The following ROBO2 variants were observed in gnomAD, a reference collection of about 807,000 sequenced individuals.
ROBO2 encodes roundabout homolog 2.
Under a neutral mutation model 160.8 loss-of-function variants are expected in ROBO2, and 53 were observed. The ratio of observed to expected loss-of-function variants is 0.33; its 90% CI spans 0.26 to 0.41. ROBO2 has a LOEUF of 0.41. Ranked by LOEUF, ROBO2 falls within the 10% of genes least tolerant of loss-of-function variation. The probability of loss-of-function intolerance (pLI) is 1.00; values close to 1 mark genes in which losing one functional copy is unlikely to be tolerated. For synonymous variants in ROBO2, 664 were observed against 611.7 expected (o/e 1.09, Z -1.26); for missense variants, 1,577 against 1,722.4 (o/e 0.92, Z 1.49).
chr3:76,220,691 C>T (rs1703907311), intron 2 of ROBO2, among the ~76,000 whole-genome samples: 1 of 151,808 alleles, frequency 6.6e-6, no homozygotes, highest in South Asian at 2.1e-4. Context: ...CTCCTGATAT[C>T]CAGAACATAA....
chr3:76,521,291 C>A (rs748650611), intron 2 of ROBO2, among the ~76,000 whole-genome samples: 1 of 152,054 alleles, frequency 6.6e-6, no homozygotes, highest in African/African-American at 2.4e-5. Context: ...CCAAGTGATC[C>A]GCCCGCCTTG....
intron 2 of ROBO2, among the ~76,000 whole-genome samples, chr3:77,102,379 G>T (rs1473466627): frequency 6.6e-6 from 1 of 152,050 alleles, no homozygotes; most frequent in Non-Finnish European, 1.5e-5. Context: ...GGTGCCAATG[G>T]GATTCTCCCT....
chr3:76,636,720 T>C (rs977130184), intron 2 of ROBO2, among the ~76,000 whole-genome samples: 2 of 152,126 alleles, frequency 1.3e-5, no homozygotes, highest in Non-Finnish European at 2.9e-5. Context: ...AAAGCCACAG[T>C]AGGACCCAAC....
chr3:76,301,663 A>G (rs933824367), intron 2 of ROBO2, among the ~76,000 whole-genome samples: 1 of 152,106 alleles, frequency 6.6e-6, no homozygotes, highest in Non-Finnish European at 1.5e-5. Flanking sequence ...TTATCCATCT[A>G]TCTGTCACGA....
chr3:76,548,816 C>G (rs947828115), intron 2 of ROBO2, among the ~76,000 whole-genome samples: 17 of 152,016 alleles, frequency 1.1e-4, no homozygotes, highest in Non-Finnish European at 2.2e-4. Context: ...AATACGGTCT[C>G]TAAACAAGAA....
chr3:76,993,947 C>T (rs1305789363), intron 2 of ROBO2, among the ~76,000 whole-genome samples: 1 of 151,524 alleles, frequency 6.6e-6, no homozygotes, highest in Non-Finnish European at 1.5e-5. Flanking sequence ...GACAGCTACA[C>T]ATCAGTTACC....
At chr3:77,152,786 T>C (rs75713269) in intron 2 of ROBO2, among the ~76,000 whole-genome samples, 2,675 of 152,312 alleles carry the variant, frequency 0.018, 71 homozygotes, top group African/African-American at 0.059. Context: ...AAAATTCATA[T>C]TCCTTATAAC....
chr3:75,997,054 CTTTA>C (rs1559816528), intron 2 of ROBO2, among the ~76,000 whole-genome samples: 2 of 152,122 alleles, frequency 1.3e-5, no homozygotes, highest in Admixed American at 6.5e-5. Flanking sequence ...TATGTCATTT[CTTTA>C]TTTGTCTATT....
chr3:76,563,201 A>T (rs147729049), intron 2 of ROBO2, among the ~76,000 whole-genome samples: 62 of 152,258 alleles, frequency 4.1e-4, no homozygotes, highest in African/African-American at 1.4e-3. Flanking sequence ...TCTCTACTAG[A>T]AGAAAAAATG....
chr3:76,054,151 A>G (rs894388935), intron 2 of ROBO2, among the ~76,000 whole-genome samples: 2 of 152,134 alleles, frequency 1.3e-5, no homozygotes, highest in African/African-American at 4.8e-5. Context: ...TAAATTTTAT[A>G]TGTAATTACA....
At chr3:76,726,121 G>A (rs930298704) in intron 2 of ROBO2, among the ~76,000 whole-genome samples, 2 of 152,078 alleles carry the variant, frequency 1.3e-5, no homozygotes, top group Admixed American at 1.3e-4. Context: ...TTACTTCAAA[G>A]AAAATTTGCA....
intron 2 of ROBO2, among the ~76,000 whole-genome samples, chr3:76,711,196 G>C (rs979083318): frequency 1.3e-5 from 2 of 152,192 alleles, no homozygotes; most frequent in African/African-American, 4.8e-5. Context: ...CAGGGAACAT[G>C]ACTAGGAAGT....
At chr3:76,381,408 T>A (rs1294914172) in intron 2 of ROBO2, among the ~76,000 whole-genome samples, 1 of 152,156 alleles carries the variant, frequency 6.6e-6, no homozygotes, top group Non-Finnish European at 1.5e-5. Flanking sequence ...TGGAGTGCAG[T>A]GGCATGATCT....
chr3:76,324,790 T>G (rs888564384), intron 2 of ROBO2, among the ~76,000 whole-genome samples: 14 of 152,226 alleles, frequency 9.2e-5, no homozygotes, highest in African/African-American at 3.4e-4. Context: ...TTACCTAATA[T>G]AATCTGAGAA....
intron 2 of ROBO2, among the ~76,000 whole-genome samples, chr3:77,426,780 C>G (rs2078256493): frequency 6.6e-6 from 1 of 152,074 alleles, no homozygotes; most frequent in Admixed American, 6.6e-5. Flanking sequence ...CAACCTTACA[C>G]ATTGAAATCA....
In ROBO2 at chr3:77,557,172, T is replaced by C. The variant is rs147295344; in HGVS notation, c.1232-772T>C. Among the ~76,000 whole-genome samples the C allele has an allele frequency of 9.9e-4, 150 of 152,042 alleles. 1 individual carries two copies. The highest frequency in any genetic ancestry group is 8.8e-3 in the Admixed American group (134 of 15,226). On this transcript the variant is annotated intron_variant, in intron 8 of 25. Transcript: ENST00000461745. ...ACAGTATTTCATAAATAAAAAGCAA[T>C]ACTAAGCTAAACATTTAGAAATTAT...
chr3:76,468,805 A>G (rs1172460841), intron 2 of ROBO2, among the ~76,000 whole-genome samples: 1 of 152,062 alleles, frequency 6.6e-6, no homozygotes, highest in African/African-American at 2.4e-5. Context: ...TTTCCTGCAA[A>G]TAACTCAAGC....
At chr3:76,389,632 C>T (rs1433631159) in intron 2 of ROBO2, among the ~76,000 whole-genome samples, 2 of 152,094 alleles carry the variant, frequency 1.3e-5, no homozygotes, top group African/African-American at 4.8e-5. Context: ...CCATAAAATA[C>T]TTTGCCTCTG....
intron 2 of ROBO2, among the ~76,000 whole-genome samples, chr3:76,928,034 G>A (rs1366738574): frequency 1.3e-5 from 2 of 152,206 alleles, no homozygotes; most frequent in East Asian, 3.8e-4. Flanking sequence ...CAGCGTCTGT[G>A]AGTAAGTCAG....
Sources: allele counts gnomAD v4.1 joint callset (sites outside exome capture counted in the v4.1 genomes callset), GRCh38; gene constraint gnomAD v4.1.1; transcripts MANE v1.5; gene names NCBI Gene and HGNC (gene_info 2026-07-23, HGNC 2026-07-21).